The following ATM variants were observed in gnomAD, a reference collection of about 807,000 sequenced individuals.
ATM encodes serine-protein kinase ATM.
ATM carries 308 observed loss-of-function variants against 387.0 expected under a neutral mutation model. That is an observed-to-expected ratio of 0.80 (90% CI 0.73 to 0.87). The LOEUF (loss-of-function observed/expected upper bound fraction) is 0.87. ATM is among the 40% of genes least tolerant of loss of function. ATM has a pLI of 0.00. For synonymous variants in ATM, 1,156 were observed against 1,187.3 expected (o/e 0.97, Z 0.54); for missense variants, 3,312 against 3,560.9 (o/e 0.93, Z 1.78).
chr11:108,228,495 A>T (rs986910906), intron 3 of ATM, among the ~76,000 whole-genome samples: 1 of 152,238 alleles, frequency 6.6e-6, no homozygotes, highest in Non-Finnish European at 1.5e-5. Flanking sequence ...AAATACTGAG[A>T]GTATTAAATA....
intron 14 of ATM, 103 bp from the exon 15 acceptor site, chr11:108,257,374 CTTTA>C: frequency 1.5e-6 from 2 of 1,365,310 alleles, no homozygotes; most frequent in South Asian, 2.6e-5. Flanking sequence ...CTTAAGTGCA[CTTTA>C]TTTTTTATTT....
chr11:108,343,491 A>G, intron 57 of ATM, 120 bp downstream of exon 57: 1 of 1,227,216 alleles, frequency 8.1e-7, no homozygotes, highest in South Asian at 1.4e-5. Context: ...ATTGTCAAAG[A>G]TACTAAGTAA....
chr11:108,235,792 G>C lies in ATM; in HGVS notation c.454G>C (p.Val152Leu), dbSNP rs2135125090. The change falls in exon 5 of 63, where the codon GTG becomes CTG. Residue 152 changes from valine to leucine, a missense_variant. Val to Leu is a conservative substitution (Grantham distance 32). Coordinates refer to ENST00000675843, the MANE Select transcript of ATM (RefSeq NM_000051.4). ...CATACTACTCAAAGACATTCTTTCT[G>C]TGAGAAAATACTGGTGTGAAATATC... ...SNILLKDILS[V>L]RKYWCEISQQ... 1.9e-6 allele frequency: 3 copies of C among 1,613,848 alleles called. No individual in the cohort carries two copies. The highest frequency in any genetic ancestry group is 2.7e-5 in the African/African-American group (2 of 75,024).
intron 5 of ATM, 88 bp downstream of exon 5, chr11:108,235,922 C>T (rs1250995803): frequency 4.2e-6 from 6 of 1,443,880 alleles, no homozygotes; most frequent in Non-Finnish European, 5.8e-6. Context: ...CTGTCTATAT[C>T]CCCCAAGTGA....
chr11:108,316,594 T>A (rs142972984), intron 42 of ATM, among the ~76,000 whole-genome samples: 1 of 152,108 alleles, frequency 6.6e-6, no homozygotes, highest in East Asian at 1.9e-4. Context: ...TTGGGAAACA[T>A]TAAACGATAT....
Position 108,353,810 on chromosome 11 carries a change from G to A in ATM, c.8716G>A (p.Val2906Ile), listed in dbSNP as rs587780643. ...QGKILPTPETVPFRLTRDIVD... is the reference protein window; with the variant it reads ...QGKILPTPETIPFRLTRDIVD... Reference sequence around the variant, plus strand: ...CAAAATCCTTCCTACTCCTGAGACAGTTCCTTTTAGACTCACCAGAGATAT... The same window carrying A: ...CAAAATCCTTCCTACTCCTGAGACAATTCCTTTTAGACTCACCAGAGATAT... Residue 2906 changes from valine (V) to isoleucine (I), a missense_variant, in exon 60 of 63, where the codon GTT becomes ATT. Val to Ile is a conservative substitution (Grantham distance 29). This residue lies in a region of ATM where 1,405 missense variants were observed against 1,604.4 expected (regional missense o/e 0.88). Transcript: ENST00000675843. 8.7e-6 allele frequency: 14 copies of A among 1,613,980 alleles called. No individual in the cohort carries two copies. In the Admixed American group the frequency reaches 2.3e-4, roughly 27 times the overall value.
chr11:108,294,829 TCTATAAATG>T, intron 31 of ATM, 89 bp from the exon 32 acceptor site: 1 of 1,310,926 alleles, frequency 7.6e-7, no homozygotes, highest in East Asian at 2.3e-5. Context: ...TGAGTCAGTG[TCTATAAATG>T]GCACTTAACT....
In ATM at chr11:108,297,276, A is replaced by G. The variant is rs1190562514; in HGVS notation, c.4910-11A>G. ...GCTAGTTTAAACTAATTTTTAAAAA[A>G]TTATTTCTAGATAATCCGCAAGATG... On this transcript the variant is annotated splice_polypyrimidine_tract_variant and intron_variant, in intron 32 of 62. Transcript: ENST00000675843. The G allele has an allele frequency of 6.2e-7, 1 of 1,611,420 alleles. No homozygotes were observed. Among genetic ancestry groups the G allele is most frequent in the Non-Finnish European group, 8.5e-7 (1 of 1,178,242 alleles).
intron 35 of ATM, among the ~76,000 whole-genome samples, chr11:108,302,508 A>G (rs2083481455): frequency 6.6e-6 from 1 of 152,124 alleles, no homozygotes; most frequent in Non-Finnish European, 1.5e-5. Flanking sequence ...ACATTTTAAA[A>G]TCTCATTTCA....
chr11:108,332,676 T>C, intron 52 of ATM, 86 bp from the exon 53 acceptor site: 1 of 1,396,272 alleles, frequency 7.2e-7, no homozygotes, highest in Non-Finnish European at 9.9e-7. Context: ...GTGCATAAAT[T>C]CTGTTTTTCT....
At chr11:108,226,048 C>T (rs1232096520) in intron 1 of ATM, 1 of 152,052 alleles carries the variant, frequency 6.6e-6, no homozygotes, top group African/African-American at 2.4e-5. Flanking sequence ...TATTTTTTCT[C>T]TGTTTACAGA....
rs2137287369 is a variant in ATM at position 108,353,786 on chromosome 11, A to G, written c.8692A>G (p.Lys2898Glu). 6.2e-7 allele frequency: 1 copy of G among 1,614,044 alleles called. No individual in the cohort carries two copies. Among genetic ancestry groups the G allele is most frequent in the Non-Finnish European group, 8.5e-7 (1 of 1,179,894 alleles). ...IDLGVAFEQG[K>E]ILPTPETVPF... is the part of the protein sequence containing the mutation. ...TTTAGGTGTTGCTTTTGAACAGGGCAAAATCCTTCCTACTCCTGAGACAGT... is the reference window on the plus strand; with the variant it reads ...TTTAGGTGTTGCTTTTGAACAGGGCGAAATCCTTCCTACTCCTGAGACAGT... The change falls in exon 60 of 63, where the codon AAA (lysine) becomes GAA (glutamate). Residue 2898 changes from lysine to glutamate, a missense_variant. Lys to Glu is a moderately conservative substitution (Grantham distance 56). This residue lies in a region of ATM where 1,405 missense variants were observed against 1,604.4 expected (regional missense o/e 0.88). Coordinates refer to ENST00000675843, the MANE Select transcript of ATM (RefSeq NM_000051.4).
At chr11:108,348,709 T>C (rs1249827735) in intron 59 of ATM, among the ~76,000 whole-genome samples, 2 of 152,200 alleles carry the variant, frequency 1.3e-5, no homozygotes. Flanking sequence ...ACAGGTTTCA[T>C]TATTTTCCAA....
rs1441150092 is a variant in ATM, at chr11:108,345,729, T to C, written c.8419-14T>C. The C allele has an allele frequency of 6.5e-7, 1 of 1,547,668 alleles. No homozygotes were observed. The highest frequency in any genetic ancestry group is 1.7e-5 in the Admixed American group (1 of 57,594). On this transcript the variant is annotated splice_polypyrimidine_tract_variant and intron_variant, in intron 57 of 62. Transcript: ENST00000675843. ...CAATATTGAAAAATAATTATATATA[T>C]TCTCTATTTAAAGGAGGTGCAAAAA...
chr11:108,296,036 C>G (rs1437320814), intron 32 of ATM: 1 of 152,042 alleles, frequency 6.6e-6, no homozygotes, highest in Non-Finnish European at 1.5e-5. Context: ...ACAAGTTAGT[C>G]TTGTCTTCTA....
At chr11:108,267,640 T>C (rs909099192) in intron 17 of ATM, among the ~76,000 whole-genome samples, 1 of 152,100 alleles carries the variant, frequency 6.6e-6, no homozygotes, top group African/African-American at 2.4e-5. Context: ...GGGCTGATCA[T>C]GAGGTCAGGA....
At chr11:108,275,595 G>A (rs927153264) in intron 22 of ATM, among the ~76,000 whole-genome samples, 2 of 152,124 alleles carry the variant, frequency 1.3e-5, no homozygotes, top group Non-Finnish European at 2.9e-5. Flanking sequence ...TGTCTATAAA[G>A]GATTTTATTT....
rs1479499265 is a variant in ATM, at chr11:108,354,806, T to C, written c.8787-5T>C. On this transcript the variant is annotated splice_polypyrimidine_tract_variant and splice_region_variant and intron_variant, in intron 60 of 62. Coordinates refer to ENST00000675843, the MANE Select transcript of ATM (RefSeq NM_000051.4). Reference sequence around the variant, plus strand: ...AATCCGTATTTATAATGTGTTTGACTCTAGATGCTGTGAGAAAACCATGGA... The same window carrying C: ...AATCCGTATTTATAATGTGTTTGACCCTAGATGCTGTGAGAAAACCATGGA... 6.8e-6 allele frequency: 11 copies of C among 1,612,954 alleles called. No individual in the cohort carries two copies. Among genetic ancestry groups the C allele is most frequent in the East Asian group, 2.2e-5 (1 of 44,858 alleles).
Position 108,295,505 on chromosome 11 carries a change from T to G in ATM, c.4909+446T>G, listed in dbSNP as rs4988015. ...CTACACCTAGCTACTTTATTTATTTTTTTTATTTTTTGTAGGGACAGGGGT... is the reference window on the plus strand; with the variant it reads ...CTACACCTAGCTACTTTATTTATTTGTTTTATTTTTTGTAGGGACAGGGGT... On this transcript the variant is annotated intron_variant, in intron 32 of 62. Transcript: ENST00000675843. The G allele has an allele frequency of 4.5e-3, 764 of 168,402 alleles. 14 individuals are homozygous for G. In the South Asian group the frequency reaches 0.048, roughly 11 times the overall value. The allele number at this position is 168,402 out of a possible 1,614,324, so 10.4% of individuals were successfully genotyped here. A position where few individuals can be genotyped will look rare whatever the true frequency, so the allele number is the denominator to read the frequency against.
Sources: gnomAD v4.1 joint callset for allele counts (sites outside exome capture counted in the v4.1 genomes callset) on GRCh38, gnomAD v4.1.1 for gene constraint, gnomAD v4.1.1 regional missense constraint, MANE v1.5 for transcripts, NCBI Gene and HGNC (gene_info 2026-07-23, HGNC 2026-07-21) for gene names.